The following WDPCP variants were observed in gnomAD, a reference collection of about 807,000 sequenced individuals.
The protein encoded by WDPCP is WD repeat-containing and planar cell polarity effector protein fritz homolog.
WDPCP carries 71 observed loss-of-function variants against 93.1 expected under a neutral mutation model. The ratio of observed to expected loss-of-function variants is 0.76; its 90% CI spans 0.63 to 0.93. WDPCP has a LOEUF of 0.93. Ranked by LOEUF, WDPCP falls within the 40% of genes least tolerant of loss-of-function variation. The pLI, the probability that WDPCP is intolerant of heterozygous loss-of-function variation, is 0.00. For synonymous variants in WDPCP, 315 were observed against 315.0 expected, an observed-to-expected ratio of 1.00 and a Z score of 0.00; for missense variants, 844 against 887.4, an observed-to-expected ratio of 0.95 and a Z score of 0.62.
At chr2:63,446,757 C>T (rs984659941) in intron 6 of WDPCP, among the ~76,000 whole-genome samples, 1 of 152,076 alleles carries the variant, frequency 6.6e-6, no homozygotes, top group Non-Finnish European at 1.5e-5. Context: ...ATTGAAAGTG[C>T]CCCATAGCAA....
At chr2:63,570,999 G>A (rs527525175) in intron 1 of WDPCP, among the ~76,000 whole-genome samples, 21 of 151,800 alleles carry the variant, frequency 1.4e-4, no homozygotes, top group Non-Finnish European at 2.6e-4. Flanking sequence ...TCCGCCTCTT[G>A]GTTCAAGCAA....
At chr2:63,491,419 G>A (rs980771240) in intron 2 of WDPCP, among the ~76,000 whole-genome samples, 5 of 152,136 alleles carry the variant, frequency 3.3e-5, no homozygotes, top group African/African-American at 1.2e-4. Context: ...ATCAGCCAAG[G>A]ACTGGGGTAT....
At chr2:63,309,296 T>A (rs1230709321) in intron 13 of WDPCP, among the ~76,000 whole-genome samples, 2 of 152,162 alleles carry the variant, frequency 1.3e-5, no homozygotes, top group Non-Finnish European at 2.9e-5. Context: ...CAAATTTAAA[T>A]ACAGCAAGAA....
intron 3 of WDPCP, among the ~76,000 whole-genome samples, chr2:63,631,167 G>A (rs377623284): frequency 6.6e-6 from 1 of 152,142 alleles, no homozygotes; most frequent in South Asian, 2.1e-4. Flanking sequence ...TGTAATCCCA[G>A]GTACTAAGGA....
intron 10 of WDPCP, among the ~76,000 whole-genome samples, chr2:63,387,054 G>A (rs892357986): frequency 9.2e-5 from 14 of 151,954 alleles, no homozygotes; most frequent in Admixed American, 6.6e-4. Context: ...ATTCTACCAC[G>A]TGTATAAAGA....
chr2:63,374,198 C>G (rs1691648491), intron 12 of WDPCP, among the ~76,000 whole-genome samples: 1 of 152,030 alleles, frequency 6.6e-6, no homozygotes, highest in Admixed American at 6.6e-5. Flanking sequence ...CATGAGCTCT[C>G]AGTTATGTCT....
At chr2:63,268,628 G>T (rs773597309) in intron 13 of WDPCP, among the ~76,000 whole-genome samples, 4 of 151,888 alleles carry the variant, frequency 2.6e-5, no homozygotes, top group Non-Finnish European at 4.4e-5. Context: ...ACCCCACTTG[G>T]CTAGTTTTGT....
chr2:63,393,059 A>C (rs1693414068), intron 10 of WDPCP, among the ~76,000 whole-genome samples: 1 of 152,226 alleles, frequency 6.6e-6, no homozygotes, highest in African/African-American at 2.4e-5. Flanking sequence ...AAGGATTATA[A>C]ATCATGCTAC....
intron 1 of WDPCP, among the ~76,000 whole-genome samples, chr2:63,561,607 G>T (rs1044284233): frequency 1.3e-5 from 2 of 151,932 alleles, no homozygotes; most frequent in Non-Finnish European, 2.9e-5. Flanking sequence ...CTACAGAATG[G>T]GAAAAGTTTG....
intron 14 of WDPCP, among the ~76,000 whole-genome samples, chr2:63,254,717 G>T (rs1680997532): frequency 6.6e-6 from 1 of 152,054 alleles, no homozygotes; most frequent in Non-Finnish European, 1.5e-5. Context: ...TGTTACATAT[G>T]CCATATATAA....
At chr2:63,450,763 A>G (rs1698188247) in intron 6 of WDPCP, among the ~76,000 whole-genome samples, 1 of 152,196 alleles carries the variant, frequency 6.6e-6, no homozygotes, top group Non-Finnish European at 1.5e-5. Flanking sequence ...GAAATCATAG[A>G]GAGACTATAC....
At chr2:63,502,063 C>T (rs554988079) in intron 1 of WDPCP, among the ~76,000 whole-genome samples, 2 of 152,332 alleles carry the variant, frequency 1.3e-5, no homozygotes, top group African/African-American at 4.8e-5. Context: ...GAAGCCATTG[C>T]ACAGTGTGGC....
chr2:63,448,642 G>A (rs1698023584), intron 6 of WDPCP, among the ~76,000 whole-genome samples: 2 of 152,100 alleles, frequency 1.3e-5, no homozygotes, highest in African/African-American at 4.8e-5. Flanking sequence ...ATCACTGAAA[G>A]TAAATGTGGT....
At chr2:63,210,083 T>G (rs1020051079) in intron 14 of WDPCP, among the ~76,000 whole-genome samples, 1 of 151,960 alleles carries the variant, frequency 6.6e-6, no homozygotes, top group African/African-American at 2.4e-5. Context: ...GAGTACATTT[T>G]GAAAACAATG....
chr2:63,789,193 T>G (rs1168544291), intron 2 of WDPCP, among the ~76,000 whole-genome samples: 1 of 152,146 alleles, frequency 6.6e-6, no homozygotes, highest in Non-Finnish European at 1.5e-5. Flanking sequence ...AAACATTATA[T>G]CATTTTTCTG....
At chr2:63,244,791 G>A (rs1680141840) in intron 14 of WDPCP, among the ~76,000 whole-genome samples, 1 of 152,166 alleles carries the variant, frequency 6.6e-6, no homozygotes, top group Admixed American at 6.6e-5. Flanking sequence ...TGTATCCCAT[G>A]ATTGCAGTGA....
intron 2 of WDPCP, among the ~76,000 whole-genome samples, chr2:63,733,366 A>AT (rs548638679): frequency 0.019 from 2,875 of 147,874 alleles, 85 homozygotes; most frequent in South Asian, 0.07. Flanking sequence ...CGCCCGGCTA[A>AT]TTTTTTGTAT....
intron 13 of WDPCP, among the ~76,000 whole-genome samples, chr2:63,268,767 G>A (rs1682375398): frequency 6.6e-6 from 1 of 152,048 alleles, no homozygotes; most frequent in Non-Finnish European, 1.5e-5. Flanking sequence ...ACAGGCATAA[G>A]TCACTGCTCC....
chr2:63,623,367 C>T (rs1312822211), intron 3 of WDPCP, among the ~76,000 whole-genome samples: 1 of 152,060 alleles, frequency 6.6e-6, no homozygotes, highest in Non-Finnish European at 1.5e-5. Flanking sequence ...CTAAATGCCC[C>T]AATTAAAAGA....
Sources: allele counts gnomAD v4.1 joint callset (sites outside exome capture counted in the v4.1 genomes callset), GRCh38; gene constraint gnomAD v4.1.1; transcripts MANE v1.5; gene names NCBI Gene and HGNC (gene_info 2026-07-23, HGNC 2026-07-21).